The following PIK3CB variants were observed in gnomAD, a reference collection of about 807,000 sequenced individuals.
PIK3CB encodes phosphatidylinositol 4,5-bisphosphate 3-kinase catalytic subunit beta isoform.
Under a neutral mutation model 136.8 loss-of-function variants are expected in PIK3CB, and 39 were observed. That is an observed-to-expected ratio of 0.29 (90% CI 0.22 to 0.37). The LOEUF is 0.37. PIK3CB is among the 10% of genes least tolerant of loss of function. The probability of loss-of-function intolerance (pLI) is 1.00; values close to 1 mark genes in which losing one functional copy is unlikely to be tolerated. For synonymous variants in PIK3CB, 428 were observed against 436.6 expected (o/e 0.98, Z 0.25); for missense variants, 868 against 1,275.4 (o/e 0.68, Z 4.87).
chr3:138,744,204 C>T (rs1187929038), intron 4 of PIK3CB, among the ~76,000 whole-genome samples: 1 of 151,266 alleles, frequency 6.6e-6, no homozygotes, highest in Non-Finnish European at 1.5e-5. Context: ...CCAGCCTTAC[C>T]AACATGGAGA....
chr3:138,678,227 G>A (rs1304898395), intron 19 of PIK3CB, among the ~76,000 whole-genome samples: 1 of 152,116 alleles, frequency 6.6e-6, no homozygotes, highest in East Asian at 1.9e-4. Context: ...GTTTGTGACT[G>A]TAGTGAGCTA....
In PIK3CB at chr3:138,769,551, T is replaced by G. The variant is rs969676296; in HGVS notation, c.-16-10192A>C. Among the ~76,000 whole-genome samples, 2 of 152,214 alleles carry G rather than the reference T, an allele frequency of 1.3e-5. 1 individual carries two copies. Among genetic ancestry groups the G allele is most frequent in the Non-Finnish European group, 2.9e-5 (2 of 68,038 alleles). Reference sequence around the variant, plus strand: ...TGACATGTAACTCTTCAGAGCTTCATGCACAACCCTTTAAGAAAATTATTG... The same window carrying G: ...TGACATGTAACTCTTCAGAGCTTCAGGCACAACCCTTTAAGAAAATTATTG... On this transcript the variant is annotated intron_variant, in intron 2 of 23. Transcript: ENST00000674063.
At chr3:138,666,936 T>A (rs554878337) in intron 19 of PIK3CB, among the ~76,000 whole-genome samples, 1 of 152,226 alleles carries the variant, frequency 6.6e-6, no homozygotes, top group South Asian at 2.1e-4. Context: ...GTGCGGTGGC[T>A]CACACCTGTA....
intron 8 of PIK3CB, among the ~76,000 whole-genome samples, chr3:138,728,874 T>A (rs908376215): frequency 3.9e-5 from 6 of 152,046 alleles, no homozygotes; most frequent in Non-Finnish European, 8.8e-5. Context: ...GGATAAAAAT[T>A]TTCAGCAAAC....
chr3:138,809,039 C>T (rs1416394741), intron 1 of PIK3CB, among the ~76,000 whole-genome samples: 4 of 151,208 alleles, frequency 2.6e-5, no homozygotes, highest in African/African-American at 4.9e-5. Context: ...TAATCTCAGC[C>T]GAGGCGGGTG....
At chr3:138,761,004 T>C (rs2045655734) in intron 2 of PIK3CB, among the ~76,000 whole-genome samples, 1 of 152,188 alleles carries the variant, frequency 6.6e-6, no homozygotes, top group Non-Finnish European at 1.5e-5. Context: ...CAAGTGCTAA[T>C]GAACTAACAG....
chr3:138,680,366 A>C (rs955692515), intron 19 of PIK3CB, among the ~76,000 whole-genome samples: 2 of 152,060 alleles, frequency 1.3e-5, no homozygotes, highest in African/African-American at 2.4e-5. Flanking sequence ...AAAAAAAAAA[A>C]AGAGGAAGAA....
At chr3:138,783,638 G>A (rs535986727) in intron 2 of PIK3CB, among the ~76,000 whole-genome samples, 9 of 152,136 alleles carry the variant, frequency 5.9e-5, no homozygotes, top group African/African-American at 2.2e-4. Context: ...GGCAGGCAAG[G>A]AAAGAAAGAC....
intron 17 of PIK3CB, 90 bp downstream of exon 17, chr3:138,684,535 G>A (rs2043842758): frequency 1.2e-6 from 1 of 861,400 alleles, no homozygotes; most frequent in East Asian, 2.7e-5. Context: ...TACTTCCTGA[G>A]GCTGACAGCT....
At chr3:138,818,204 A>T (rs1307634684) in intron 1 of PIK3CB, among the ~76,000 whole-genome samples, 1 of 152,112 alleles carries the variant, frequency 6.6e-6, no homozygotes, top group Non-Finnish European at 1.5e-5. Context: ...GGAGGTCCTG[A>T]CTTCATGACT....
intron 4 of PIK3CB, among the ~76,000 whole-genome samples, chr3:138,743,689 A>C (rs2045289461): frequency 6.6e-6 from 1 of 152,142 alleles, no homozygotes; most frequent in Admixed American, 6.6e-5. Context: ...CAGCCTCCCA[A>C]GTAGCTGAAA....
intron 2 of PIK3CB, among the ~76,000 whole-genome samples, chr3:138,763,591 A>C (rs1480127059): frequency 6.6e-6 from 1 of 152,158 alleles, no homozygotes; most frequent in African/African-American, 2.4e-5. Flanking sequence ...CAATTAATAC[A>C]ATACTAATAA....
At chr3:138,817,195 G>A (rs957458276) in intron 1 of PIK3CB, among the ~76,000 whole-genome samples, 21 of 152,118 alleles carry the variant, frequency 1.4e-4, no homozygotes, top group South Asian at 6.2e-4. Context: ...AAAATTAGCC[G>A]GGCGAGGTGG....
chr3:138,671,258 C>T (rs1269412266), intron 19 of PIK3CB, among the ~76,000 whole-genome samples: 1 of 152,048 alleles, frequency 6.6e-6, no homozygotes, highest in Non-Finnish European at 1.5e-5. Flanking sequence ...TAATACAATG[C>T]CTGGTTCAGT....
At chr3:138,832,895 T>G (rs148393232) in intron 1 of PIK3CB, among the ~76,000 whole-genome samples, 2,161 of 141,990 alleles carry the variant, frequency 0.015, 51 homozygotes, top group Middle Eastern at 0.053. Context: ...CCCTGTAGTC[T>G]CAGCCACTAG....
At chr3:138,725,317 G>T (rs2044814554) in intron 8 of PIK3CB, among the ~76,000 whole-genome samples, 1 of 152,138 alleles carries the variant, frequency 6.6e-6, no homozygotes, top group Non-Finnish European at 1.5e-5. Context: ...TGTGATACAG[G>T]ATATGTCTGC....
intron 19 of PIK3CB, among the ~76,000 whole-genome samples, chr3:138,680,674 A>G (rs2043753353): frequency 6.6e-6 from 1 of 151,848 alleles, no homozygotes; most frequent in African/African-American, 2.4e-5. Context: ...TTGTTAGGAT[A>G]TCCAGTTGTT....
chr3:138,810,164 A>G (rs1932950113), intron 1 of PIK3CB, among the ~76,000 whole-genome samples: 1 of 152,218 alleles, frequency 6.6e-6, no homozygotes, highest in African/African-American at 2.4e-5. Context: ...TACAAAATAA[A>G]TATCTACAAG....
intron 1 of PIK3CB, among the ~76,000 whole-genome samples, chr3:138,815,168 TATATATATAC>T (rs1286021006): frequency 5.7e-4 from 58 of 101,392 alleles, no homozygotes; most frequent in African/African-American, 2.5e-3. Flanking sequence ...AAAAAATATA[TATATATATAC>T]ATATATATAT....
Sources: allele counts gnomAD v4.1 joint callset (sites outside exome capture counted in the v4.1 genomes callset), GRCh38; gene constraint gnomAD v4.1.1; transcripts MANE v1.5; gene names NCBI Gene and HGNC (gene_info 2026-07-23, HGNC 2026-07-21).